The following NLGN1 variants were observed in gnomAD, a reference collection of about 807,000 sequenced individuals.
NLGN1 encodes the protein neuroligin-1.
Under a neutral mutation model 65.5 loss-of-function variants are expected in NLGN1, and 12 were observed. The ratio of observed to expected loss-of-function variants is 0.18; its 90% CI spans 0.12 to 0.30. The LOEUF is 0.30. NLGN1 is among the 10% of genes least tolerant of loss of function. The probability of loss-of-function intolerance (pLI) is 1.00; values close to 1 mark genes in which losing one functional copy is unlikely to be tolerated. For missense variants in NLGN1, 750 were observed against 1,007.1 expected (o/e 0.74, Z 3.46); for synonymous variants, 350 against 359.5 (o/e 0.97, Z 0.30).
chr3:173,685,524 T>C (rs1764556183), intron 3 of NLGN1: 9 of 341,934 alleles, frequency 2.6e-5, no homozygotes, highest in Non-Finnish European at 3.7e-5. Context: ...ACCACTGTTG[T>C]ACCTCAGCCC....
intron 3 of NLGN1, among the ~76,000 whole-genome samples, chr3:173,639,362 G>A (rs1430472269): frequency 6.6e-6 from 1 of 152,124 alleles, no homozygotes; most frequent in African/African-American, 2.4e-5. Context: ...ACAGAACTTG[G>A]TCTGGCAGCA....
intron 1 of NLGN1, among the ~76,000 whole-genome samples, chr3:173,429,563 C>T (rs1377517181): frequency 9.2e-5 from 14 of 152,114 alleles, no homozygotes; most frequent in Non-Finnish European, 2.1e-4. Flanking sequence ...GGATGTATGT[C>T]TATGTCTTTG....
chr3:173,669,332 T>A (rs1325502347), intron 3 of NLGN1, among the ~76,000 whole-genome samples: 3 of 152,150 alleles, frequency 2.0e-5, no homozygotes, highest in Non-Finnish European at 4.4e-5. Flanking sequence ...CAACAGAAAA[T>A]TTTGTCCCTT....
chr3:174,022,730 C>T (rs1195961786), intron 4 of NLGN1, among the ~76,000 whole-genome samples: 2 of 151,798 alleles, frequency 1.3e-5, no homozygotes, highest in African/African-American at 4.8e-5. Flanking sequence ...GAAGAATTTT[C>T]GTTTGATGCA....
chr3:174,230,178 C>T (rs918050810), intron 4 of NLGN1, among the ~76,000 whole-genome samples: 4 of 152,084 alleles, frequency 2.6e-5, no homozygotes, highest in Non-Finnish European at 5.9e-5. Context: ...TGAGACCTGA[C>T]CCGGGAGAGG....
At chr3:173,640,818 C>T (rs1472833416) in intron 3 of NLGN1, among the ~76,000 whole-genome samples, 1 of 152,096 alleles carries the variant, frequency 6.6e-6, no homozygotes, top group Non-Finnish European at 1.5e-5. Flanking sequence ...GTATTTGTTT[C>T]ATTATCTTGT....
intron 3 of NLGN1, among the ~76,000 whole-genome samples, chr3:173,701,105 G>A (rs188930891): frequency 2.0e-5 from 3 of 152,196 alleles, no homozygotes; most frequent in Non-Finnish European, 2.9e-5. Context: ...CTCCAGCCTG[G>A]GTGACACAGC....
At chr3:173,863,683 A>G (rs755513197) in intron 4 of NLGN1, among the ~76,000 whole-genome samples, 4 of 152,166 alleles carry the variant, frequency 2.6e-5, no homozygotes, top group Non-Finnish European at 4.4e-5. Flanking sequence ...CAGGGTTTGG[A>G]CTAAAGCTGA....
chr3:173,716,264 G>A (rs1769830600), intron 3 of NLGN1, among the ~76,000 whole-genome samples: 1 of 152,004 alleles, frequency 6.6e-6, no homozygotes, highest in Admixed American at 6.6e-5. Context: ...TGGAAAGATG[G>A]GTCACAGATT....
chr3:173,737,595 C>G (rs1773976949), intron 3 of NLGN1, among the ~76,000 whole-genome samples: 1 of 152,010 alleles, frequency 6.6e-6, no homozygotes, highest in African/African-American at 2.4e-5. Context: ...GTACATAATT[C>G]CTTTTTATTG....
chr3:173,738,139 C>T (rs1774074440), intron 3 of NLGN1, among the ~76,000 whole-genome samples: 1 of 151,698 alleles, frequency 6.6e-6, no homozygotes, highest in African/African-American at 2.4e-5. Context: ...TTTATGTATT[C>T]TAGACACAAG....
chr3:174,293,636 A>G, the NLGN1 span, among the ~76,000 whole-genome samples: 2 of 151,788 alleles, frequency 1.3e-5, no homozygotes, highest in Admixed American at 1.3e-4. Context: ...ATAGAATTTT[A>G]TATTCAAACA....
At chr3:173,446,851 A>G (rs1174134773) in intron 2 of NLGN1, among the ~76,000 whole-genome samples, 3 of 152,206 alleles carry the variant, frequency 2.0e-5, no homozygotes, top group African/African-American at 4.8e-5. Flanking sequence ...TTTTGGCTGC[A>G]TAAATGTCTT....
chr3:174,168,016 T>G (rs1414886851), intron 4 of NLGN1, among the ~76,000 whole-genome samples: 1 of 152,130 alleles, frequency 6.6e-6, no homozygotes, highest in Non-Finnish European at 1.5e-5. Context: ...TTCAATTATA[T>G]TTTGAAATTC....
chr3:173,585,602 T>G (rs1037013553), intron 2 of NLGN1, among the ~76,000 whole-genome samples: 1 of 152,184 alleles, frequency 6.6e-6, no homozygotes, highest in Non-Finnish European at 1.5e-5. Flanking sequence ...CATGTTGTCT[T>G]GTAATTCACT....
intron 3 of NLGN1, among the ~76,000 whole-genome samples, chr3:173,651,307 A>G (rs1759139576): frequency 6.6e-6 from 1 of 151,006 alleles, no homozygotes; most frequent in Non-Finnish European, 1.5e-5. Context: ...TATGTGTTAT[A>G]TATATGTATA....
intron 2 of NLGN1, among the ~76,000 whole-genome samples, chr3:173,549,723 T>C (rs2149260062): frequency 6.6e-6 from 1 of 152,194 alleles, no homozygotes; most frequent in East Asian, 1.9e-4. Flanking sequence ...GGAAGATGAC[T>C]ATGCATATTT....
At chr3:173,868,748 A>G (rs974147760) in intron 4 of NLGN1, among the ~76,000 whole-genome samples, 3 of 152,136 alleles carry the variant, frequency 2.0e-5, no homozygotes, top group Admixed American at 6.6e-5. Context: ...TCTCCAAAGA[A>G]TCTGATTCAG....
intron 4 of NLGN1, among the ~76,000 whole-genome samples, chr3:173,912,087 A>G (rs778813144): frequency 1.3e-5 from 2 of 152,232 alleles, no homozygotes; most frequent in South Asian, 2.1e-4. Flanking sequence ...TCTCCTGCAT[A>G]TAATTTTTTC....
Sources: allele counts gnomAD v4.1 joint callset (sites outside exome capture counted in the v4.1 genomes callset), GRCh38; gene constraint gnomAD v4.1.1; transcripts MANE v1.5; gene names NCBI Gene and HGNC (gene_info 2026-07-23, HGNC 2026-07-21).